The following PCYT1B variants were observed in gnomAD, a reference collection of about 807,000 sequenced individuals.
The protein encoded by PCYT1B is choline-phosphate cytidylyltransferase B.
In PCYT1B, 10 loss-of-function variants were observed where a neutral mutation model predicts 26.4. The ratio of observed to expected loss-of-function variants is 0.38; its 90% CI spans 0.23 to 0.64. PCYT1B has a LOEUF of 0.64. PCYT1B is among the 30% of genes least tolerant of loss of function. The pLI, the probability that PCYT1B is intolerant of heterozygous loss-of-function variation, is 0.56. For synonymous variants in PCYT1B, 131 were observed against 108.4 expected, an observed-to-expected ratio of 1.21 and a Z score of -1.29; for missense variants, 161 against 292.7, an observed-to-expected ratio of 0.55 and a Z score of 3.28.
chrX:24,560,267 TC>T lies in PCYT1B; in HGVS notation c.*2025del, dbSNP rs1302863060. 8.9e-6 allele frequency: 1 copy of T among 111,757 alleles called. No homozygotes were observed. The highest frequency in any genetic ancestry group is 3.3e-5 in the African/African-American group (1 of 30,673). The allele number at this position is 111,757 out of a possible 1,213,427, so 9.2% of individuals were successfully genotyped here. On this transcript the variant is annotated 3_prime_UTR_variant, in exon 8 of 8. Coordinates refer to ENST00000379144, the MANE Select transcript of PCYT1B (RefSeq NM_004845.5). ...TTCCTCCCTCCAGGAACTTCTTTCC[TC>T]CTTTTCTCTTCCCTTGTTCCCGCCA...
chrX:24,611,459 A>T (rs1925306001), intron 2 of PCYT1B, among the ~76,000 whole-genome samples: 1 of 111,378 alleles, frequency 9.0e-6, no homozygotes, highest in Non-Finnish European at 1.9e-5. Context: ...GGCAATGACC[A>T]GGAGCCAATT....
rs779316769 is a variant in PCYT1B at position 24,637,509 on chromosome X, T to TATATATATAA, written c.117+9479_117+9480insTTATATATAT. 4.8e-4 allele frequency among the ~76,000 whole-genome samples: 31 copies of TATATATATAA among 64,054 alleles called. 3 individuals carry two copies. Among genetic ancestry groups the TATATATATAA allele is most frequent in the African/African-American group, 2.2e-3 (22 of 10,133 alleles). 55.6% of individuals were successfully genotyped at this position (64,054 alleles called of 115,157 possible). A position where few individuals can be genotyped will look rare whatever the true frequency, so the allele number is the denominator to read the frequency against. ...AAAAAAAAATATATATATATATATATATAAATTAGCTGAGCGTGGTGGCGT... is the reference window on the plus strand; with the variant it reads ...AAAAAAAAATATATATATATATATATATATATATAAATAAATTAGCTGAGCGTGGTGGCGT... On this transcript the variant is annotated intron_variant, in intron 1 of 7. Transcript: ENST00000379144.
At chrX:24,582,505 CCTTTTTTATCATG>C (rs1321089610) in intron 5 of PCYT1B, among the ~76,000 whole-genome samples, 2 of 112,218 alleles carry the variant, frequency 1.8e-5, no homozygotes, top group Non-Finnish European at 3.8e-5. Flanking sequence ...GATCAGAGAA[CCTTTTTTATCATG>C]CTTTTCAGAA....
At chrX:24,672,187 A>G (rs1288588031) in intron 1 of PCYT1B, among the ~76,000 whole-genome samples, 1 of 112,313 alleles carries the variant, frequency 8.9e-6, no homozygotes, top group African/African-American at 3.2e-5. Context: ...GGGTATTCTA[A>G]TCAGGATTTT....
At chrX:24,575,023 G>T in intron 7 of PCYT1B, 107 bp downstream of exon 7, 1 of 552,714 alleles carries the variant, frequency 1.8e-6, no homozygotes, top group Non-Finnish European at 2.8e-6. Context: ...CTAAAGTAGA[G>T]GGCATGCAGT....
intron 1 of PCYT1B, among the ~76,000 whole-genome samples, chrX:24,620,633 A>G (rs1391280407): frequency 8.9e-6 from 1 of 112,443 alleles, no homozygotes; most frequent in African/African-American, 3.2e-5. Context: ...TCCCCTCTCC[A>G]GCACTTACTA....
chrX:24,621,078 C>T (rs184259416), intron 1 of PCYT1B, among the ~76,000 whole-genome samples: 1 of 112,029 alleles, frequency 8.9e-6, no homozygotes, highest in Admixed American at 9.5e-5. Flanking sequence ...TCTGATTGGC[C>T]AAGTTCATCT....
At chrX:24,670,296 A>G (rs1019702718) in intron 1 of PCYT1B, among the ~76,000 whole-genome samples, 1 of 112,428 alleles carries the variant, frequency 8.9e-6, no homozygotes, top group Admixed American at 9.4e-5. Context: ...CAACTCTCTT[A>G]TTTAAAGGTA....
intron 3 of PCYT1B, among the ~76,000 whole-genome samples, chrX:24,597,856 G>T (rs1050233453): frequency 8.9e-6 from 1 of 112,298 alleles, no homozygotes; most frequent in Non-Finnish European, 1.9e-5. Flanking sequence ...TAAGGCCCAA[G>T]AACTCAAAGC....
chrX:24,669,309 G>A (rs907202446), intron 1 of PCYT1B, among the ~76,000 whole-genome samples: 1 of 109,910 alleles, frequency 9.1e-6, no homozygotes, highest in African/African-American at 3.3e-5. Context: ...GTGAGGTCAG[G>A]AGTTCGAGAC....
chrX:24,657,318 A>T (rs1055992660), intron 1 of PCYT1B, among the ~76,000 whole-genome samples: 1 of 111,833 alleles, frequency 8.9e-6, no homozygotes, highest in Admixed American at 9.6e-5. Context: ...AACAGATAAT[A>T]CATCAGAAAA....
intron 1 of PCYT1B, among the ~76,000 whole-genome samples, chrX:24,671,299 A>T (rs998548475): frequency 4.0e-5 from 4 of 100,749 alleles, no homozygotes; most frequent in African/African-American, 1.5e-4. Flanking sequence ...ACTACTTCAA[A>T]TCTAATTTTG....
chrX:24,580,637 C>T (rs577068569), intron 5 of PCYT1B, among the ~76,000 whole-genome samples: 89 of 112,122 alleles, frequency 7.9e-4, no homozygotes, highest in Middle Eastern at 9.2e-3. Flanking sequence ...GGTATATCAA[C>T]AGATATAGAG....
intron 1 of PCYT1B, among the ~76,000 whole-genome samples, chrX:24,622,075 G>A (rs920989299): frequency 2.7e-5 from 3 of 112,512 alleles, no homozygotes; most frequent in African/African-American, 9.7e-5. Flanking sequence ...TTGCATGTGT[G>A]CACAGGTGAC....
chrX:24,657,408 T>C (rs1041873635), intron 1 of PCYT1B, among the ~76,000 whole-genome samples: 1 of 112,401 alleles, frequency 8.9e-6, no homozygotes, highest in Admixed American at 9.5e-5. Flanking sequence ...ATTATCTGAA[T>C]GTCAGTGGAT....
chrX:24,655,863 A>G (rs1926893045), intron 1 of PCYT1B, among the ~76,000 whole-genome samples: 1 of 107,730 alleles, frequency 9.3e-6, no homozygotes, highest in Non-Finnish European at 1.9e-5. Flanking sequence ...TATGACCTAT[A>G]AAGGCCATTA....
At chrX:24,593,651 C>T (rs1351175683) in intron 3 of PCYT1B, among the ~76,000 whole-genome samples, 4 of 108,867 alleles carry the variant, frequency 3.7e-5, no homozygotes, top group Admixed American at 1.0e-4. Context: ...CTCAGCCTCC[C>T]GAGTAGCTGG....
At chrX:24,639,569 G>A (rs1425804525) in intron 1 of PCYT1B, among the ~76,000 whole-genome samples, 1 of 111,447 alleles carries the variant, frequency 9.0e-6, no homozygotes, top group Non-Finnish European at 1.9e-5. Context: ...ACAGCCTGGA[G>A]GCCTCAGGAG....
At chrX:24,610,113 C>A (rs747936205) in intron 2 of PCYT1B, among the ~76,000 whole-genome samples, 80 of 109,931 alleles carry the variant, frequency 7.3e-4, no homozygotes, top group African/African-American at 2.6e-3. Context: ...TATATATATG[C>A]ATGTATTACA....
Sources: gnomAD v4.1 joint callset for allele counts (sites outside exome capture counted in the v4.1 genomes callset) on GRCh38, gnomAD v4.1.1 for gene constraint, MANE v1.5 for transcripts, NCBI Gene and HGNC (gene_info 2026-07-23, HGNC 2026-07-21) for gene names.